The following PWWP3A variants were observed in gnomAD, a reference collection of about 807,000 sequenced individuals.
PWWP3A encodes the protein PWWP domain-containing DNA repair factor 3A.
A neutral mutation model predicts 79.0 loss-of-function variants in PWWP3A; 53 were observed. The ratio of observed to expected loss-of-function variants is 0.67; its 90% confidence interval spans 0.54 to 0.84. The LOEUF (loss-of-function observed/expected upper bound fraction) is 0.84, where lower values mean the gene tolerates loss of function less well. PWWP3A is among the 40% of genes least tolerant of loss of function. The pLI is 0.00. For synonymous variants in PWWP3A, 443 were observed against 394.4 expected, an observed-to-expected ratio of 1.12 and a Z score of -1.46; for missense variants, 973 against 948.0, an observed-to-expected ratio of 1.03 and a Z score of -0.35.
At chr19:1,365,919 C>G (rs1030437562) in intron 7 of PWWP3A, among the ~76,000 whole-genome samples, 1 of 152,222 alleles carries the variant, frequency 6.6e-6, no homozygotes, top group Non-Finnish European at 1.5e-5. Context: ...CCTGCCCCTC[C>G]CCGTGTGGCC....
rs998143865 is a variant in PWWP3A at position 1,377,256 on chromosome 19, C to G, written c.*680C>G. 6.5e-6 allele frequency: 1 copy of G among 152,722 alleles called. No homozygotes were observed. Among genetic ancestry groups the G allele is most frequent in the African/African-American group, 2.4e-5 (1 of 41,426 alleles). The allele number at this position is 152,722 out of a possible 1,614,324, so 9.5% of individuals were successfully genotyped here. ...GCGCGCAGCCACATGCCCTGGCTGC[C>G]ATGGGCCAGACCGCCTCCACCTCCC... On this transcript the variant is annotated 3_prime_UTR_variant, in exon 14 of 14. Transcript: ENST00000591337.
chr19:1,373,076 T>C lies in PWWP3A; in HGVS notation c.1991T>C (p.Ile664Thr), dbSNP rs760866524. Residue 664 changes from isoleucine (I) to threonine (T), a missense_variant, in exon 13 of 14, where the codon ATC becomes ACC. Physicochemically the swap from Ile to Thr is moderately conservative, Grantham distance 89. Coordinates refer to ENST00000591337, the MANE Select transcript of PWWP3A (RefSeq NM_001369789.1). ...GAGCCCCGTGCCCTCTCACAGGCCA[T>C]CATCTGTGCGATCTCTGCGGTGGAC... is the stretch of plus-strand genomic sequence containing the variant. ...FILDVLLPEA[I>T]ICAISAVDEV... The C allele has an allele frequency of 1.2e-5, 20 of 1,614,006 alleles. No individual in the cohort carries two copies. The highest frequency in any genetic ancestry group is 1.6e-5 in the Non-Finnish European group (19 of 1,180,032).
Position 1,360,837 on chromosome 19 carries a change from G to A in PWWP3A, c.916G>A (p.Asp306Asn). Reference protein sequence around the residue: ...ECPAKKRPRLDGSQRPPAVQL... With the variant: ...ECPAKKRPRLNGSQRPPAVQL... ...CCCTGCGAAAAAGAGGCCGCGCCTG[G>A]ATGGCAGCCAAAGGCCGCCTGCCGT... The change falls in exon 5 of 14, where the codon GAT becomes AAT. Residue 306 changes from aspartate (D) to asparagine (N), a missense_variant. Transcript: ENST00000591337. The surrounding 1 kb of genome is among the most constrained non-coding windows in gnomAD (Gnocchi z 4.4). 1 of 1,561,432 alleles carries A rather than the reference G, an allele frequency of 6.4e-7. No individual in the cohort carries two copies. The highest frequency in any genetic ancestry group is 8.7e-7 in the Non-Finnish European group (1 of 1,154,986).
Position 1,369,428 on chromosome 19 carries a change from G to A in PWWP3A, c.1498+88G>A. On this transcript the variant is annotated intron_variant, in intron 10 of 13. Coordinates refer to ENST00000591337, the MANE Select transcript of PWWP3A (RefSeq NM_001369789.1). This position sits in a 1 kb window ranked among gnomAD's most constrained non-coding sequence, Gnocchi z 4.0. ...TGGACGGGCTGGGCCGGAGCTGCCT[G>A]GAGGCGGGGCATATTTCCGTGGGCC... 11 of 1,526,110 alleles carry A rather than the reference G, an allele frequency of 7.2e-6. No homozygotes were observed. The South Asian group carries it at 1.2e-4, about 17-fold the overall frequency. The allele number at this position is 1,526,110 out of a possible 1,614,324, so 94.5% of individuals were successfully genotyped here.
At chr19:1,367,111 TATTAGA>T (rs1244385934) in intron 8 of PWWP3A, 43 bp from the exon 9 acceptor site, 7 of 1,479,306 alleles carry the variant, frequency 4.7e-6, no homozygotes, top group Non-Finnish European at 6.6e-6. Context: ...GTTTTTAGCT[TATTAGA>T]GGAAGTTCAT....
At chr19:1,375,261 C>T (rs2082340723) in intron 13 of PWWP3A, among the ~76,000 whole-genome samples, 1 of 150,418 alleles carries the variant, frequency 6.6e-6, no homozygotes, top group Admixed American at 6.7e-5. Flanking sequence ...TAAAAGTTAC[C>T]ATCCTAACCT....
At position 1,360,332 on chromosome 19, in the gene PWWP3A, T is replaced by C. The variant is rs370209070; in HGVS notation, c.411T>C (p.Ser137=). 2 of 1,613,900 alleles carry C rather than the reference T, an allele frequency of 1.2e-6. No individual in the cohort carries two copies. Among genetic ancestry groups the C allele is most frequent in the African/African-American group, 1.3e-5 (1 of 74,906 alleles). ...CGCCCTGTGATTCGAACTCCTCATC[T>C]CTTCCCCGCGGAGACGTGTTGGGCA... is the stretch of plus-strand genomic sequence containing the variant. ...VSSPCDSNSS[S]LPRGDVLGSS... is the part of the protein sequence containing the mutation. The change falls in exon 5 of 14, where the codon TCT becomes TCC. Residue 137 remains serine, a synonymous_variant. Coordinates refer to ENST00000591337, the MANE Select transcript of PWWP3A (RefSeq NM_001369789.1). The surrounding 1 kb of genome is among the most constrained non-coding windows in gnomAD (Gnocchi z 4.4).
chr19:1,365,206 G>C (rs1311323926), intron 7 of PWWP3A, among the ~76,000 whole-genome samples: 2 of 152,240 alleles, frequency 1.3e-5, no homozygotes, highest in Non-Finnish European at 2.9e-5. Context: ...CATTAATTTG[G>C]ATTTTGTGGT....
At position 1,360,914 on chromosome 19, in the gene PWWP3A, A is replaced by AGGGCCC. The variant is rs930822932; in HGVS notation, c.994_999dup (p.Gly332_Pro333dup). ...CCGCACCATCCCCCGGGCCGGGGCCAGGGCCCAGAGAGTCTGTGACCCCGC... is the reference window on the plus strand; with the variant it reads ...CCGCACCATCCCCCGGGCCGGGGCCAGGGCCCGGGCCCAGAGAGTCTGTGACCCCGC... On this transcript the variant is annotated inframe_insertion, in exon 5 of 14. Coordinates refer to ENST00000591337, the MANE Select transcript of PWWP3A (RefSeq NM_001369789.1). The surrounding 1 kb of genome is among the most constrained non-coding windows in gnomAD (Gnocchi z 4.4). 2.6e-6 allele frequency: 4 copies of AGGGCCC among 1,539,172 alleles called. No homozygotes were observed. The Admixed American group carries it at 6.2e-5, about 24-fold the overall frequency.
Position 1,367,122 on chromosome 19 carries a change from GTTCA to G in PWWP3A, c.1362-32_1362-29del, listed in dbSNP as rs757258456. 3.2e-6 allele frequency: 5 copies of G among 1,552,412 alleles called. No homozygotes were observed. The African/African-American group carries it at 4.1e-5, about 13-fold the overall frequency. On this transcript the variant is annotated intron_variant, in intron 8 of 13. Coordinates refer to ENST00000591337, the MANE Select transcript of PWWP3A (RefSeq NM_001369789.1). The stretch of plus-strand genomic sequence containing the variant: ...AAAGGTTTTTAGCTTATTAGAGGAA[GTTCA>G]TTCATGTTAACTTTTCCCTCTCTCT...
intron 11 of PWWP3A, 68 bp from the exon 12 acceptor site, chr19:1,370,574 C>T: frequency 7.2e-7 from 1 of 1,387,052 alleles, no homozygotes; most frequent in Non-Finnish European, 9.5e-7. Flanking sequence ...CTCCCATCGG[C>T]CCTGACCCAC....
intron 7 of PWWP3A, among the ~76,000 whole-genome samples, chr19:1,366,055 G>A (rs1039738600): frequency 6.6e-6 from 1 of 152,262 alleles, no homozygotes; most frequent in Non-Finnish European, 1.5e-5. Context: ...GGCAGCGGTA[G>A]CTGTGGTTCT....
chr19:1,376,313 T>TTTTG (rs2082398738), intron 13 of PWWP3A, among the ~76,000 whole-genome samples: 1 of 127,640 alleles, frequency 7.8e-6, no homozygotes, highest in Non-Finnish European at 1.7e-5. Flanking sequence ...TTTTGTTTGT[T>TTTTG]TTTTTTTTTT....
chr19:1,377,822 C>T lies in PWWP3A; in HGVS notation c.*1246C>T, dbSNP rs1217180396. The T allele has an allele frequency of 6.6e-6, 1 of 152,290 alleles. No homozygotes were observed. The highest frequency in any genetic ancestry group is 1.5e-5 in the Non-Finnish European group (1 of 68,088). The allele number at this position is 152,290 out of a possible 1,614,324, so 9.4% of individuals were successfully genotyped here. On this transcript the variant is annotated 3_prime_UTR_variant, in exon 14 of 14. Transcript: ENST00000591337. ...GGCCTTGCTTTGAGGGGCTGTGACC[C>T]TCTTCCCCCAGGCCCTCCCCAGCCG...
intron 13 of PWWP3A, among the ~76,000 whole-genome samples, chr19:1,375,657 T>G (rs970586789): frequency 7.1e-6 from 1 of 140,828 alleles, no homozygotes; most frequent in Admixed American, 7.4e-5. Context: ...TAATTGTATA[T>G]ATTATATATA....
intron 6 of PWWP3A, 30 bp downstream of exon 6, chr19:1,362,381 C>T (rs763218627): frequency 6.3e-7 from 1 of 1,577,504 alleles, no homozygotes; most frequent in South Asian, 1.1e-5. Flanking sequence ...CGCCGGCAGT[C>T]CTAACGGTGC....
chr19:1,357,317 A>T (rs200593327), intron 3 of PWWP3A: 4 of 468,144 alleles, frequency 8.5e-6, no homozygotes, highest in Non-Finnish European at 1.5e-5. Context: ...TGTGAGATCT[A>T]TGGAGAGATT....
chr19:1,371,092 C>A lies in PWWP3A; in HGVS notation c.1986+14C>A, dbSNP rs746919777. 1 of 1,550,596 alleles carries A rather than the reference C, an allele frequency of 6.4e-7. No individual in the cohort carries two copies. Among genetic ancestry groups the A allele is most frequent in the South Asian group, 1.2e-5 (1 of 83,992 alleles). ...CTTCTGCCCGAGGTGAGCCGCGGAC[C>A]GGCGTGTCACGTGGGCAGGGAGGGG... On this transcript the variant is annotated intron_variant, in intron 12 of 13. Coordinates refer to ENST00000591337, the MANE Select transcript of PWWP3A (RefSeq NM_001369789.1).
intron 3 of PWWP3A, chr19:1,357,391 G>T (rs1421596617): frequency 6.3e-5 from 11 of 175,734 alleles, no homozygotes; most frequent in Admixed American, 2.9e-4. Flanking sequence ...TTAAAATAGG[G>T]ATATTTCCTT....
Sources: gnomAD v4.1 joint callset for allele counts (sites outside exome capture counted in the v4.1 genomes callset) on GRCh38, gnomAD v4.1.1 for gene constraint, Gnocchi (gnomAD v3.1) non-coding constraint, MANE v1.5 for transcripts, NCBI Gene and HGNC (gene_info 2026-07-23, HGNC 2026-07-21) for gene names.